Variants in NCOA7 observed in about 807,000 individuals in gnomAD.
NCOA7 encodes the protein 140 kDa estrogen receptor-associated protein.
In NCOA7, 45 loss-of-function variants were observed where a neutral mutation model predicts 104.3. The ratio of observed to expected loss-of-function variants is 0.43; its 90% CI spans 0.34 to 0.55. The LOEUF (loss-of-function observed/expected upper bound fraction) is 0.55. NCOA7 is among the 20% of genes least tolerant of loss of function. NCOA7 has a pLI of 0.02. For synonymous variants in NCOA7, 398 were observed against 402.3 expected (o/e 0.99, Z 0.13); for missense variants, 1,041 against 1,119.7 (o/e 0.93, Z 1.00).
chr6:125,919,087 A>G, intron 11 of NCOA7: 1 of 539,044 alleles, frequency 1.9e-6, no homozygotes, highest in South Asian at 3.0e-5. Context: ...AGTGTTGGGA[A>G]ACCACCGTTT....
intron 10 of NCOA7, among the ~76,000 whole-genome samples, chr6:125,904,853 G>T: frequency 6.6e-6 from 1 of 152,144 alleles, no homozygotes; most frequent in East Asian, 1.9e-4. Context: ...TTATGAGCTC[G>T]ATTTTGCCTG....
chr6:125,836,994 A>C (rs1457353870), intron 2 of NCOA7, among the ~76,000 whole-genome samples: 1 of 152,158 alleles, frequency 6.6e-6, no homozygotes, highest in Non-Finnish European at 1.5e-5. Context: ...GTGTTCAAGC[A>C]GTGGGGAATT....
chr6:125,876,831 C>G (rs1244483727), intron 4 of NCOA7, among the ~76,000 whole-genome samples: 1 of 152,076 alleles, frequency 6.6e-6, no homozygotes, highest in Non-Finnish European at 1.5e-5. Flanking sequence ...TGTGGATGAT[C>G]AAGCATTCTG....
chr6:125,865,413 CAT>C lies in NCOA7; in HGVS notation c.272-9475_272-9474del, dbSNP rs1233392070. Among the ~76,000 whole-genome samples the C allele has an allele frequency of 8.7e-5, 12 of 137,682 alleles. 5 individuals carry two copies. The highest frequency in any genetic ancestry group is 3.6e-4 in the African/African-American group (12 of 32,932). The allele number at this position is 137,682 out of a possible 152,430, so 90.3% of individuals were successfully genotyped here. A position where few individuals can be genotyped will look rare whatever the true frequency, so the allele number is the denominator to read the frequency against. On this transcript the variant is annotated intron_variant, in intron 3 of 15. Transcript: ENST00000392477. ...TGCTTGAAGGAAGGAAGGTAGGTAACATGTACTGCATGACATTTTCCTTTGTG... is the reference window on the plus strand; with the variant it reads ...TGCTTGAAGGAAGGAAGGTAGGTAACGTACTGCATGACATTTTCCTTTGTG...
intron 13 of NCOA7, among the ~76,000 whole-genome samples, chr6:125,927,023 T>A (rs939602880): frequency 5.9e-5 from 9 of 152,184 alleles, no homozygotes; most frequent in African/African-American, 2.2e-4. Flanking sequence ...TTTAAACACA[T>A]CTAAGTTACC....
intron 5 of NCOA7, among the ~76,000 whole-genome samples, chr6:125,880,483 G>T (rs1050395190): frequency 6.6e-6 from 1 of 151,262 alleles, no homozygotes; most frequent in Non-Finnish European, 1.5e-5. Context: ...TACCCACCTT[G>T]CTCTCTCTTT....
Position 125,922,706 on chromosome 6 carries a change from G to T in NCOA7, c.2395G>T (p.Val799Leu). 2 of 1,613,668 alleles carry T rather than the reference G, an allele frequency of 1.2e-6. No individual in the cohort carries two copies. Among genetic ancestry groups the T allele is most frequent in the Non-Finnish European group, 1.7e-6 (2 of 1,179,978 alleles). ...GCTGGCCCGACGCCTTCCTGCAAGG[G>T]TGCAAGGGTATCCATGGAGACTGGC... ...EQLARRLPAR[V>L]QGYPWRLAYS... The change falls in exon 13 of 16, where the codon GTG becomes TTG. Residue 799 changes from valine to leucine, a missense_variant. Coordinates refer to ENST00000392477, the MANE Select transcript of NCOA7 (RefSeq NM_181782.5).
In NCOA7 at chr6:125,889,247, C is replaced by G; in HGVS notation, c.1193C>G (p.Ser398Cys). The change falls in exon 9 of 16, where the codon TCT (serine) becomes TGT (cysteine). Residue 398 changes from serine (S) to cysteine (C), a missense_variant. Coordinates refer to ENST00000392477, the MANE Select transcript of NCOA7 (RefSeq NM_181782.5). ...CTCAGCAAGGAACCTTCCGACACTTCTTCTGCATTTGAATCTACAGCCAAA... is the reference window on the plus strand; with the variant it reads ...CTCAGCAAGGAACCTTCCGACACTTGTTCTGCATTTGAATCTACAGCCAAA... ...TKLSKEPSDT[S>C]SAFESTAKEN... The G allele has an allele frequency of 6.2e-7, 1 of 1,613,698 alleles. No individual in the cohort carries two copies. Among genetic ancestry groups the G allele is most frequent in the South Asian group, 1.1e-5 (1 of 91,072 alleles).
At chr6:125,886,557 G>C (rs1784279446) in intron 8 of NCOA7, among the ~76,000 whole-genome samples, 1 of 152,204 alleles carries the variant, frequency 6.6e-6, no homozygotes, top group Non-Finnish European at 1.5e-5. Flanking sequence ...AAAGAGCAGA[G>C]TTAAGAATCA....
chr6:125,846,812 T>C (rs1290306700), intron 2 of NCOA7, among the ~76,000 whole-genome samples: 2 of 152,236 alleles, frequency 1.3e-5, no homozygotes, highest in Non-Finnish European at 2.9e-5. Context: ...GGCCCTAGTT[T>C]TTCTCAGCCT....
intron 9 of NCOA7, 132 bp downstream of exon 9, chr6:125,890,113 A>T: frequency 1.5e-6 from 1 of 661,856 alleles, no homozygotes; most frequent in Non-Finnish European, 2.2e-6. Context: ...CTTTGCTGAT[A>T]GCATTAACAA....
At chr6:125,854,946 A>G in intron 2 of NCOA7, 74 bp from the exon 3 acceptor site, 1 of 961,052 alleles carries the variant, frequency 1.0e-6, no homozygotes, top group Admixed American at 2.4e-5. Flanking sequence ...AAAGTCCAGC[A>G]GCGTGAAATT....
chr6:125,829,794 C>A (rs1779004790), intron 2 of NCOA7, among the ~76,000 whole-genome samples: 1 of 152,120 alleles, frequency 6.6e-6, no homozygotes, highest in Non-Finnish European at 1.5e-5. Flanking sequence ...TCAGACAATG[C>A]CCTGGAATCC....
chr6:125,855,836 A>G (rs902259419), intron 3 of NCOA7, among the ~76,000 whole-genome samples: 1 of 152,026 alleles, frequency 6.6e-6, no homozygotes, highest in Non-Finnish European at 1.5e-5. Context: ...GGTGCCCACC[A>G]CCATGCCCGG....
chr6:125,908,576 G>A (rs539789773), intron 10 of NCOA7, among the ~76,000 whole-genome samples: 18 of 152,262 alleles, frequency 1.2e-4, no homozygotes, highest in East Asian at 5.8e-4. Flanking sequence ...GGTATTAGGC[G>A]TTTGATTCCT....
chr6:125,925,551 A>G (rs765923226), intron 13 of NCOA7, among the ~76,000 whole-genome samples: 1 of 152,250 alleles, frequency 6.6e-6, no homozygotes, highest in Non-Finnish European at 1.5e-5. Context: ...ACTTCCAGTG[A>G]AGTATAGAAA....
At chr6:125,864,380 T>G (rs1782273202) in intron 3 of NCOA7, among the ~76,000 whole-genome samples, 1 of 138,006 alleles carries the variant, frequency 7.2e-6, no homozygotes, top group East Asian at 2.1e-4. Flanking sequence ...AGAGAATTTC[T>G]AGAAGTGTAT....
At chr6:125,811,584 G>A (rs1450861967) in intron 1 of NCOA7, among the ~76,000 whole-genome samples, 1 of 152,142 alleles carries the variant, frequency 6.6e-6, no homozygotes, top group Non-Finnish European at 1.5e-5. Flanking sequence ...AGGTTGCCTC[G>A]TGCCTGAGGA....
At chr6:125,803,609 A>G (rs1307791990) in intron 1 of NCOA7, among the ~76,000 whole-genome samples, 1 of 152,216 alleles carries the variant, frequency 6.6e-6, no homozygotes, top group Non-Finnish European at 1.5e-5. Flanking sequence ...ACAGGTATGA[A>G]TGTATGCCAG....
Sources: gnomAD v4.1 joint callset for allele counts (sites outside exome capture counted in the v4.1 genomes callset) on GRCh38, gnomAD v4.1.1 for gene constraint, MANE v1.5 for transcripts, NCBI Gene and HGNC (gene_info 2026-07-23, HGNC 2026-07-21) for gene names.